Variants in SLC6A15 observed in about 807,000 individuals in gnomAD.
The protein encoded by SLC6A15 is solute carrier family 6 member 15.
A neutral mutation model predicts 68.5 loss-of-function variants in SLC6A15; 33 were observed. The observed-to-expected ratio is 0.48, with a 90% CI of 0.37 to 0.64. The LOEUF (loss-of-function observed/expected upper bound fraction) is 0.64, where lower values mean the gene tolerates loss of function less well. Among genes scored for constraint, SLC6A15 ranks in the 30% least tolerant of loss-of-function variants. The probability of loss-of-function intolerance (pLI) is 0.00; values close to 1 mark genes in which losing one functional copy is unlikely to be tolerated. For synonymous variants in SLC6A15, 347 were observed against 301.0 expected (o/e 1.15, Z -1.58); for missense variants, 747 against 874.3 (o/e 0.85, Z 1.84).
In SLC6A15 at chr12:84,861,712, C is replaced by G. The variant is rs771513083; in HGVS notation, c.2113G>C (p.Asp705His). 4.3e-6 allele frequency: 7 copies of G among 1,613,822 alleles called. No individual in the cohort carries two copies. The highest frequency in any genetic ancestry group is 4.2e-6 in the Non-Finnish European group (5 of 1,179,884). The change falls in exon 12 of 12, where the codon GAT becomes CAT. Residue 705 changes from aspartate (D) to histidine (H), a missense_variant. Transcript: ENST00000266682. ...CCATACCGTCCATTGGGAGCAGTAT[C>G]CAGAGTTGGGGATCCACTCTGTTTT... ...YRKQSGSPTL[D>H]TAPNGRYGIG...
At chr12:84,907,378 A>G (rs1242342678) in intron 1 of SLC6A15, among the ~76,000 whole-genome samples, 1 of 152,036 alleles carries the variant, frequency 6.6e-6, no homozygotes, top group African/African-American at 2.4e-5. Context: ...AAAAAACTCG[A>G]CCATTATAAA....
At position 84,863,604 on chromosome 12, in the gene SLC6A15, G is replaced by A; in HGVS notation, c.1656-3C>T. 1.3e-6 allele frequency: 2 copies of A among 1,503,856 alleles called. No individual in the cohort carries two copies. The highest frequency in any genetic ancestry group is 1.4e-5 in the South Asian group (1 of 71,626). 93.2% of individuals were successfully genotyped at this position (1,503,856 alleles called of 1,614,324 possible). ...TATCTTTTAGGTCTTCCATAAACCT[G>A]AATAAAAAGAAAGTATTTAATTATT... On this transcript the variant is annotated splice_polypyrimidine_tract_variant and splice_region_variant and intron_variant, in intron 10 of 11. Transcript: ENST00000266682.
rs1870788477 is a variant in SLC6A15 at position 84,860,226 on chromosome 12, T to C, written c.*1406A>G. On this transcript the variant is annotated 3_prime_UTR_variant, in exon 12 of 12. Transcript: ENST00000266682. ...TTACCTCACTTATTTTGCTGCTATA[T>C]CCATCATTGTTTTAAAAATGTAACT... 1 of 152,096 alleles carries C rather than the reference T, an allele frequency of 6.6e-6. No individual in the cohort carries two copies. Among genetic ancestry groups the C allele is most frequent in the Admixed American group, 6.6e-5 (1 of 15,254 alleles). 9.4% of individuals were successfully genotyped at this position (152,096 alleles called of 1,614,324 possible).
At chr12:84,878,359 T>C (rs969545255) in intron 5 of SLC6A15, among the ~76,000 whole-genome samples, 2 of 152,314 alleles carry the variant, frequency 1.3e-5, no homozygotes, top group East Asian at 3.9e-4. Flanking sequence ...CTGCGTACTT[T>C]TGGCATTCAT....
At chr12:84,864,883 G>A (rs1019256981) in intron 10 of SLC6A15, among the ~76,000 whole-genome samples, 1 of 151,984 alleles carries the variant, frequency 6.6e-6, no homozygotes, top group Non-Finnish European at 1.5e-5. Flanking sequence ...ATAAACAATG[G>A]ATGCTTAGCA....
chr12:84,867,301 C>G (rs1419815689), intron 9 of SLC6A15, 108 bp from the exon 10 acceptor site: 2 of 925,184 alleles, frequency 2.2e-6, no homozygotes, highest in Non-Finnish European at 3.0e-6. Context: ...ATAACATGTC[C>G]ATCATATAAA....
rs146931396 is a variant in SLC6A15 at position 84,873,148 on chromosome 12, A to G, written c.1048T>C (p.Leu350=). ...INFFTSVLAT[L]VVFAVLGFKA... Reference sequence around the variant, plus strand: ...AAGCCCAGAACTGCAAACACCACCAATGTTGCCAGGACAGAAGTGAAAAAA... The same window carrying G: ...AAGCCCAGAACTGCAAACACCACCAGTGTTGCCAGGACAGAAGTGAAAAAA... Residue 350 remains leucine (L), a synonymous_variant, in exon 7 of 12, where the codon TTG becomes CTG. Coordinates refer to ENST00000266682, the MANE Select transcript of SLC6A15 (RefSeq NM_182767.6). 5.0e-6 allele frequency: 8 copies of G among 1,614,094 alleles called. No homozygotes were observed. The Admixed American group carries it at 5.0e-5, about 10-fold the overall frequency.
intron 10 of SLC6A15, among the ~76,000 whole-genome samples, chr12:84,866,542 A>T (rs1871073934): frequency 6.6e-6 from 1 of 152,184 alleles, no homozygotes; most frequent in Non-Finnish European, 1.5e-5. Flanking sequence ...AGGCATTATG[A>T]CACATGCACT....
intron 5 of SLC6A15, among the ~76,000 whole-genome samples, chr12:84,877,042 T>C (rs74962204): frequency 0.042 from 6,418 of 152,304 alleles, 408 homozygotes; most frequent in African/African-American, 0.14. Context: ...TTCAATGCAG[T>C]ATTGTTCCTA....
At chr12:84,889,542 C>A (rs995928140) in intron 2 of SLC6A15, among the ~76,000 whole-genome samples, 7 of 136,268 alleles carry the variant, frequency 5.1e-5, no homozygotes, top group Non-Finnish European at 4.9e-5. Flanking sequence ...ATAAAAAAAA[C>A]AGTTTTCCCT....
rs547507239 is a variant in SLC6A15 at position 84,867,865 on chromosome 12, C to T, written c.1496-672G>A. 9 of 152,198 alleles carry T rather than the reference C, an allele frequency of 5.9e-5. No individual in the cohort carries two copies. In the South Asian group the frequency reaches 1.7e-3, roughly 28 times the overall value. 9.4% of individuals were successfully genotyped at this position (152,198 alleles called of 1,614,324 possible). ...CTAAAAAGAGTTTCCCCAGTAATAG[C>T]TAAGAAACAGATGCATAAATTTCTG... On this transcript the variant is annotated intron_variant, in intron 9 of 11. Coordinates refer to ENST00000266682, the MANE Select transcript of SLC6A15 (RefSeq NM_182767.6).
At chr12:84,886,661 G>C (rs1872118687) in intron 2 of SLC6A15, among the ~76,000 whole-genome samples, 1 of 149,332 alleles carries the variant, frequency 6.7e-6, no homozygotes, top group Admixed American at 6.7e-5. Context: ...CTACATAAAA[G>C]AAGTACACAA....
chr12:84,885,444 A>T lies in SLC6A15; in HGVS notation c.565T>A (p.Ser189Thr). 1.2e-6 allele frequency: 2 copies of T among 1,612,978 alleles called. No individual in the cohort carries two copies. The highest frequency in any genetic ancestry group is 8.5e-7 in the Non-Finnish European group (1 of 1,179,462). The change falls in exon 4 of 12, where the codon TCA becomes ACA. Residue 189 changes from serine to threonine, a missense_variant. Transcript: ENST00000266682. Reference sequence around the variant, plus strand: ...ATTATACATATCTTACAAGTGTGTGAAGCATTTTTCACCAAAGGACACTGA... The same window carrying T: ...ATTATACATATCTTACAAGTGTGTGTAGCATTTTTCACCAAAGGACACTGA... ...WDQCPLVKNASHTFVEPECEQ... is the reference protein window; with the variant it reads ...WDQCPLVKNATHTFVEPECEQ...
intron 11 of SLC6A15, 139 bp downstream of exon 11, chr12:84,863,300 G>A (rs1013168341): frequency 6.7e-6 from 4 of 596,406 alleles, no homozygotes; most frequent in South Asian, 2.5e-5. Flanking sequence ...GAGCACAAAC[G>A]TAAATCTCAT....
intron 1 of SLC6A15, among the ~76,000 whole-genome samples, chr12:84,900,956 A>G (rs1242439308): frequency 2.1e-5 from 3 of 145,810 alleles, no homozygotes; most frequent in Non-Finnish European, 4.5e-5. Flanking sequence ...ATAGATATGT[A>G]TATATATACA....
chr12:84,883,801 G>A, intron 5 of SLC6A15, 58 bp downstream of exon 5: 1 of 1,613,882 alleles, frequency 6.2e-7, no homozygotes, highest in South Asian at 1.1e-5. Context: ...GAATTTGAGA[G>A]AGGGATGAAT....
At chr12:84,865,143 A>G (rs537450616) in intron 10 of SLC6A15, among the ~76,000 whole-genome samples, 1 of 152,302 alleles carries the variant, frequency 6.6e-6, no homozygotes, top group African/African-American at 2.4e-5. Context: ...AGCCTAGTAA[A>G]GCTTAGAGAA....
chr12:84,892,891 G>C (rs1872480649), intron 1 of SLC6A15, among the ~76,000 whole-genome samples: 1 of 152,140 alleles, frequency 6.6e-6, no homozygotes, highest in African/African-American at 2.4e-5. Flanking sequence ...ACCTCTCCCA[G>C]AGATCCTCTT....
chr12:84,911,279 A>G (rs1329672264), intron 1 of SLC6A15, among the ~76,000 whole-genome samples: 1 of 152,172 alleles, frequency 6.6e-6, no homozygotes, highest in Admixed American at 6.5e-5. Context: ...CAAATCCTTC[A>G]TTTCTCCCAT....
Sources: allele counts gnomAD v4.1 joint callset (sites outside exome capture counted in the v4.1 genomes callset), GRCh38; gene constraint gnomAD v4.1.1; transcripts MANE v1.5; gene names NCBI Gene and HGNC (gene_info 2026-07-23, HGNC 2026-07-21).